FOXP4: variants seen among roughly 807,000 people sequenced by gnomAD.
FOXP4 encodes forkhead box P4.
A neutral mutation model predicts 82.6 loss-of-function variants in FOXP4; 25 were observed. That is an observed-to-expected ratio of 0.30 (90% CI 0.22 to 0.42). The LOEUF is 0.42. Ranked by LOEUF, FOXP4 falls within the 10% of genes least tolerant of loss-of-function variation. FOXP4 has a pLI of 1.00. For missense variants in FOXP4, 785 were observed against 900.9 expected (o/e 0.87, Z 1.65); for synonymous variants, 415 against 388.2 (o/e 1.07, Z -0.81).
Position 41,587,492 on chromosome 6 carries a change from G to A in FOXP4, c.852G>A (p.Val284=). The change falls in exon 7 of 17, where the codon GTG becomes GTA. Residue 284 remains valine (V), a synonymous_variant. Transcript: ENST00000307972. ...HHTLPNGQPT[V]LTSRRDSSSH... Reference sequence around the variant, plus strand: ...CCCTGCCCAACGGACAGCCTACTGTGCTCACATCTCGGAGAGACAGGTACA... The same window carrying A: ...CCCTGCCCAACGGACAGCCTACTGTACTCACATCTCGGAGAGACAGGTACA... 6.6e-7 allele frequency: 1 copy of A among 1,525,624 alleles called. No homozygotes were observed. Among genetic ancestry groups the A allele is most frequent in the Non-Finnish European group, 8.8e-7 (1 of 1,136,708 alleles). The allele number at this position is 1,525,624 out of a possible 1,614,324, so 94.5% of individuals were successfully genotyped here.
intron 4 of FOXP4, among the ~76,000 whole-genome samples, 190 bp downstream of exon 4, chr6:41,585,081 C>T (rs1330430582): frequency 6.6e-6 from 1 of 152,134 alleles, no homozygotes; most frequent in East Asian, 1.9e-4. Flanking sequence ...GTGGCCCTGC[C>T]CCCACAATAC....
chr6:41,589,973 TC>T lies in FOXP4; in HGVS notation c.1164del (p.Gly389AlafsTer8), dbSNP rs1212288759. ...CCCCGTTGCTCACAGCTGAACCCGGTCCCCGGCTCCTCCTCATTCTCCAAGG... is the reference window on the plus strand; with the variant it reads ...CCCCGTTGCTCACAGCTGAACCCGGTCCCGGCTCCTCCTCATTCTCCAAGG... ...PKPFSQPLNP[V>X]PGSSSFSKVT... On this transcript the variant is annotated frameshift_variant, in exon 11 of 17. Transcript: ENST00000307972. LOFTEE classifies it high-confidence loss of function. 1.2e-6 allele frequency: 2 copies of T among 1,613,664 alleles called. No homozygotes were observed. The highest frequency in any genetic ancestry group is 1.7e-5 in the Admixed American group (1 of 59,996).
chr6:41,588,390 T>TGAAA (rs1766289239), intron 8 of FOXP4, among the ~76,000 whole-genome samples: 1 of 152,252 alleles, frequency 6.6e-6, no homozygotes, highest in Non-Finnish European at 1.5e-5. Context: ...TCACGCTTCG[T>TGAAA]CAGAGGTTTA....
intron 3 of FOXP4, 51 bp from the exon 4 acceptor site, chr6:41,584,718 T>G: frequency 6.6e-7 from 1 of 1,517,972 alleles, no homozygotes; most frequent in Non-Finnish European, 8.9e-7. Flanking sequence ...GGGTGGTGCC[T>G]CCTCCTGGGT....
At chr6:41,581,892 T>G (rs1034201259) in intron 3 of FOXP4, among the ~76,000 whole-genome samples, 1 of 152,210 alleles carries the variant, frequency 6.6e-6, no homozygotes, top group Non-Finnish European at 1.5e-5. Flanking sequence ...GGCCACATCC[T>G]TTTTTCACAT....
At chr6:41,562,877 G>C (rs2127343626) in intron 1 of FOXP4, among the ~76,000 whole-genome samples, 1 of 152,328 alleles carries the variant, frequency 6.6e-6, no homozygotes, top group African/African-American at 2.4e-5. Flanking sequence ...GGTGCTGCTG[G>C]CTGGGTGGTT....
At chr6:41,565,721 C>T in intron 1 of FOXP4, 24 bp from the exon 2 acceptor site, 6 of 1,558,976 alleles carry the variant, frequency 3.8e-6, no homozygotes, top group South Asian at 1.2e-5. Flanking sequence ...CAGCCTCTCC[C>T]CTGTGTCTCT....
In FOXP4 at chr6:41,587,785, C is replaced by G. The variant is rs371398490; in HGVS notation, c.873-8C>G. ...CCCTGATCGGCCACCTCCCTGCTGT[C>G]CTCCCAGCTCTTCCCACGAGGAGAC... is the stretch of plus-strand genomic sequence containing the variant. On this transcript the variant is annotated splice_polypyrimidine_tract_variant and splice_region_variant and intron_variant, in intron 7 of 16. Transcript: ENST00000307972. The G allele has an allele frequency of 5.8e-6, 9 of 1,546,936 alleles. No individual in the cohort carries two copies. Among genetic ancestry groups the G allele is most frequent in the Admixed American group, 1.9e-5 (1 of 51,822 alleles).
intron 13 of FOXP4, among the ~76,000 whole-genome samples, chr6:41,592,793 G>A (rs1162868062): frequency 1.3e-5 from 2 of 151,950 alleles, no homozygotes; most frequent in Non-Finnish European, 2.9e-5. Context: ...CCTGGTTTAG[G>A]TGACTTCCTT....
intron 2 of FOXP4, among the ~76,000 whole-genome samples, chr6:41,569,870 G>A (rs1385015187): frequency 6.6e-6 from 1 of 152,056 alleles, no homozygotes. Flanking sequence ...GGGTTGGGGG[G>A]CTTTGCACAT....
At chr6:41,566,259 G>T (rs1323230852) in intron 2 of FOXP4, among the ~76,000 whole-genome samples, 1 of 152,232 alleles carries the variant, frequency 6.6e-6, no homozygotes, top group African/African-American at 2.4e-5. Flanking sequence ...CAACTGGGCA[G>T]CAGGCTTGAG....
At chr6:41,547,308 G>T (rs1162581963) in intron 1 of FOXP4, among the ~76,000 whole-genome samples, 1 of 151,982 alleles carries the variant, frequency 6.6e-6, no homozygotes, top group Non-Finnish European at 1.5e-5. Flanking sequence ...CCCCCTCCCC[G>T]CCCCGAGTCA....
At position 41,585,989 on chromosome 6, in the gene FOXP4, G is replaced by A. The variant is rs570640211; in HGVS notation, c.510+472G>A. 1.2e-3 allele frequency among the ~76,000 whole-genome samples: 182 copies of A among 151,756 alleles called. 1 individual carries two copies. Among genetic ancestry groups the A allele is most frequent in the African/African-American group, 3.9e-3 (161 of 41,324 alleles). On this transcript the variant is annotated intron_variant, in intron 5 of 16. Coordinates refer to ENST00000307972, the MANE Select transcript of FOXP4 (RefSeq NM_001012426.2). ...TTATGACTTGCCCAGCCACCCCTCG[G>A]TCTCCTCTCAGAGCTCCCCAGCCTA...
intron 4 of FOXP4, 138 bp downstream of exon 4, chr6:41,585,029 C>T (rs1766025175): frequency 1.0e-5 from 13 of 1,247,328 alleles, no homozygotes; most frequent in Non-Finnish European, 1.4e-5. Flanking sequence ...CTGCATTCCT[C>T]TAGGGTAGTG....
chr6:41,561,701 C>T (rs907658930), intron 1 of FOXP4, among the ~76,000 whole-genome samples: 1 of 152,168 alleles, frequency 6.6e-6, no homozygotes, highest in Non-Finnish European at 1.5e-5. Context: ...GAAAGGGACC[C>T]GGCTGTGACT....
chr6:41,584,496 C>T (rs1415306676), intron 3 of FOXP4, among the ~76,000 whole-genome samples: 1 of 152,230 alleles, frequency 6.6e-6, no homozygotes, highest in Non-Finnish European at 1.5e-5. Context: ...TTGCTGTGTG[C>T]CAGGCCTTGT....
intron 2 of FOXP4, among the ~76,000 whole-genome samples, chr6:41,574,774 G>C (rs773938723): frequency 7.2e-5 from 11 of 152,150 alleles, no homozygotes; most frequent in Non-Finnish European, 1.6e-4. Flanking sequence ...CAGCAGCGTG[G>C]TCGATGTGAC....
chr6:41,585,586 C>T lies in FOXP4; in HGVS notation c.510+69C>T, dbSNP rs564668890. The T allele has an allele frequency of 3.5e-6, 5 of 1,430,478 alleles. No individual in the cohort carries two copies. In the East Asian group the frequency reaches 9.5e-5, roughly 27 times the overall value. 88.6% of individuals were successfully genotyped at this position (1,430,478 alleles called of 1,614,324 possible). A position where few individuals can be genotyped will look rare whatever the true frequency, so the allele number is the denominator to read the frequency against. ...CCAGAGCTGGGTGTCCAGAGCTGGT[C>T]AGGAGGGAATTGCCTTGCAGGAATA... On this transcript the variant is annotated intron_variant, in intron 5 of 16. Transcript: ENST00000307972.
chr6:41,582,167 G>C (rs1052724064), intron 3 of FOXP4, among the ~76,000 whole-genome samples: 2 of 152,212 alleles, frequency 1.3e-5, no homozygotes, highest in African/African-American at 2.4e-5. Context: ...ATTTAATGGC[G>C]TACAAGTCAC....
Sources: allele counts gnomAD v4.1 joint callset (sites outside exome capture counted in the v4.1 genomes callset), GRCh38; gene constraint gnomAD v4.1.1; transcripts MANE v1.5; gene names NCBI Gene and HGNC (gene_info 2026-07-23, HGNC 2026-07-21).